The following CTNND2 variants were observed in gnomAD, a reference collection of about 807,000 sequenced individuals.
CTNND2 encodes catenin delta-2.
CTNND2 carries 22 observed loss-of-function variants against 144.4 expected under a neutral mutation model. The ratio of observed to expected loss-of-function variants is 0.15; its 90% CI spans 0.11 to 0.22. The LOEUF is 0.22. Ranked by LOEUF, CTNND2 falls within the 10% of genes least tolerant of loss-of-function variation. The pLI is 1.00. For missense variants in CTNND2, 1,353 were observed against 1,618.8 expected (o/e 0.84, Z 2.82); for synonymous variants, 751 against 695.6 (o/e 1.08, Z -1.25).
chr5:11,258,277 A>T lies in CTNND2; in HGVS notation c.1629-21454T>A, dbSNP rs530718744. On this transcript the variant is annotated intron_variant, in intron 9 of 21. Coordinates refer to ENST00000304623, the MANE Select transcript of CTNND2 (RefSeq NM_001332.4). Reference sequence around the variant, plus strand: ...CATATGGCCCAAAGAGGGAATGGAGAGCTGACCAGGCCCAAAGCATTTGGA... The same window carrying T: ...CATATGGCCCAAAGAGGGAATGGAGTGCTGACCAGGCCCAAAGCATTTGGA... Among the ~76,000 whole-genome samples the T allele has an allele frequency of 3.3e-5, 5 of 152,288 alleles. No individual in the cohort carries two copies. The South Asian group carries it at 8.3e-4, about 25-fold the overall frequency.
At chr5:11,648,508 G>C (rs1287877235) in intron 2 of CTNND2, among the ~76,000 whole-genome samples, 1 of 151,936 alleles carries the variant, frequency 6.6e-6, no homozygotes, top group Admixed American at 6.6e-5. Flanking sequence ...TGCTGCACTT[G>C]GAAAGTCCTC....
intron 5 of CTNND2, among the ~76,000 whole-genome samples, chr5:11,407,253 T>A (rs1761171116): frequency 1.3e-5 from 2 of 152,226 alleles, no homozygotes; most frequent in African/African-American, 4.8e-5. Flanking sequence ...GACAGCAGTC[T>A]CTGAAACAAT....
At chr5:11,353,803 CA>C (rs762692283) in intron 8 of CTNND2, among the ~76,000 whole-genome samples, 1,322 of 121,346 alleles carry the variant, frequency 0.011, 11 homozygotes, top group African/African-American at 0.032. Flanking sequence ...GACTCCATTT[CA>C]AAAAAAAAAA....
chr5:11,693,324 T>C (rs1221040823), intron 2 of CTNND2, among the ~76,000 whole-genome samples: 3 of 152,224 alleles, frequency 2.0e-5, no homozygotes, highest in Non-Finnish European at 4.4e-5. Context: ...TTATGTTAGT[T>C]TGTTATAGCA....
chr5:11,334,556 G>C (rs749481823), intron 9 of CTNND2, among the ~76,000 whole-genome samples: 1 of 152,182 alleles, frequency 6.6e-6, no homozygotes, highest in Non-Finnish European at 1.5e-5. Context: ...CCTTTGTCAA[G>C]TGAAAGACTG....
At chr5:11,722,309 T>C (rs577896182) in intron 2 of CTNND2, among the ~76,000 whole-genome samples, 2 of 152,290 alleles carry the variant, frequency 1.3e-5, no homozygotes, top group African/African-American at 2.4e-5. Context: ...TTTTCTTCTA[T>C]GAAGATTCTA....
chr5:11,849,617 C>T (rs114721170), intron 1 of CTNND2, among the ~76,000 whole-genome samples: 6 of 152,196 alleles, frequency 3.9e-5, no homozygotes, highest in African/African-American at 1.4e-4. Context: ...GAGCACACTG[C>T]CCTTAACTGG....
At chr5:11,548,704 C>G (rs1200570605) in intron 3 of CTNND2, among the ~76,000 whole-genome samples, 1 of 152,128 alleles carries the variant, frequency 6.6e-6, no homozygotes, top group Non-Finnish European at 1.5e-5. Context: ...TTAAATCTTC[C>G]GTGTAAAGTG....
At chr5:11,463,690 A>T (rs1766422171) in intron 3 of CTNND2, among the ~76,000 whole-genome samples, 1 of 152,104 alleles carries the variant, frequency 6.6e-6, no homozygotes, top group Admixed American at 6.6e-5. Flanking sequence ...TCATTAAAAA[A>T]AAAAAAACTT....
intron 2 of CTNND2, among the ~76,000 whole-genome samples, chr5:11,723,298 G>C (rs1180215819): frequency 6.6e-6 from 1 of 152,000 alleles, no homozygotes; most frequent in Non-Finnish European, 1.5e-5. Flanking sequence ...GGATATAGTT[G>C]AGTAAATAAG....
At chr5:11,520,149 GAAAAAAA>G (rs35979486) in intron 3 of CTNND2, among the ~76,000 whole-genome samples, 9 of 123,458 alleles carry the variant, frequency 7.3e-5, no homozygotes, top group East Asian at 2.4e-4. Context: ...CTCTGTCTTG[GAAAAAAA>G]AAAAAAAAAA....
intron 1 of CTNND2, among the ~76,000 whole-genome samples, chr5:11,801,504 A>G (rs1791680211): frequency 6.6e-6 from 1 of 152,228 alleles, no homozygotes; most frequent in African/African-American, 2.4e-5. Flanking sequence ...TACCTATGAT[A>G]ATCCAACTAT....
chr5:11,403,221 G>A (rs775037201), intron 5 of CTNND2, among the ~76,000 whole-genome samples: 29 of 151,856 alleles, frequency 1.9e-4, no homozygotes, highest in Non-Finnish European at 2.9e-4. Context: ...ATCCTCCATC[G>A]GGCCTTGTAT....
At chr5:11,140,196 A>G (rs570630504) in intron 12 of CTNND2, among the ~76,000 whole-genome samples, 1 of 152,060 alleles carries the variant, frequency 6.6e-6, no homozygotes, top group Non-Finnish European at 1.5e-5. Flanking sequence ...AGGTCAGACT[A>G]TTTTTTCATT....
At chr5:11,363,869 A>G (rs143397700) in intron 8 of CTNND2, among the ~76,000 whole-genome samples, 1 of 152,352 alleles carries the variant, frequency 6.6e-6, no homozygotes, top group East Asian at 1.9e-4. Context: ...CGGAGCTCAT[A>G]TATATCATTA....
chr5:11,687,958 C>G (rs1205916694), intron 2 of CTNND2, among the ~76,000 whole-genome samples: 1 of 152,064 alleles, frequency 6.6e-6, no homozygotes, highest in Non-Finnish European at 1.5e-5. Flanking sequence ...AAGGCAAGGA[C>G]CCTGAGGTGG....
chr5:11,585,014 A>G (rs1313421359), intron 2 of CTNND2, among the ~76,000 whole-genome samples: 2 of 152,188 alleles, frequency 1.3e-5, no homozygotes, highest in African/African-American at 2.4e-5. Context: ...ATAAATCACA[A>G]AACCCTAGGG....
At chr5:11,269,687 C>CA (rs2149974063) in intron 9 of CTNND2, among the ~76,000 whole-genome samples, 1 of 152,186 alleles carries the variant, frequency 6.6e-6, no homozygotes, top group South Asian at 2.1e-4. Flanking sequence ...TCAATATTCA[C>CA]AAAAAAGGTG....
intron 12 of CTNND2, among the ~76,000 whole-genome samples, chr5:11,156,788 C>T (rs1179989588): frequency 1.3e-5 from 2 of 152,062 alleles, no homozygotes; most frequent in East Asian, 1.9e-4. Context: ...CTACACACTC[C>T]GTAGGTCCTA....
Sources: allele counts gnomAD v4.1 joint callset (sites outside exome capture counted in the v4.1 genomes callset), GRCh38; gene constraint gnomAD v4.1.1; transcripts MANE v1.5; gene names NCBI Gene and HGNC (gene_info 2026-07-23, HGNC 2026-07-21).